The following TAF4B variants were observed in gnomAD, a reference collection of about 807,000 sequenced individuals.
TAF4B encodes the protein transcription initiation factor TFIID subunit 4B.
In TAF4B, 38 loss-of-function variants were observed where a neutral mutation model predicts 86.4. The observed-to-expected ratio is 0.44, with a 90% CI of 0.34 to 0.58. TAF4B has a LOEUF of 0.58. TAF4B is among the 20% of genes least tolerant of loss of function. TAF4B has a pLI of 0.02. For synonymous variants in TAF4B, 388 were observed against 391.2 expected (o/e 0.99, Z 0.10); for missense variants, 988 against 1,027.6 (o/e 0.96, Z 0.53).
chr18:26,287,888 G>C (rs918709366), intron 7 of TAF4B, among the ~76,000 whole-genome samples: 2 of 152,132 alleles, frequency 1.3e-5, no homozygotes, highest in African/African-American at 4.8e-5. Flanking sequence ...GATAAATGAT[G>C]GTCATTTCCT....
At position 26,275,003 on chromosome 18, in the gene TAF4B, C is replaced by G; in HGVS notation, c.832C>G (p.Gln278Glu). 1 of 1,612,304 alleles carries G rather than the reference C, an allele frequency of 6.2e-7. No homozygotes were observed. The highest frequency in any genetic ancestry group is 1.3e-5 in the African/African-American group (1 of 75,008). Residue 278 changes from glutamine to glutamate, a missense_variant, in exon 5 of 15, where the codon CAG becomes GAG. Around this residue, in one of 3 missense-constraint regions of TAF4B, gnomAD observed 747 missense variants for 737.9 expected, o/e 1.01. Transcript: ENST00000269142. ...AATAAAACTAGCATGTAGTGGATCA[C>G]AGTCCCCAGAAATGGGGCAAAATGT... is the stretch of plus-strand genomic sequence containing the variant. ...MLIKLACSGS[Q>E]SPEMGQNVKK...
intron 9 of TAF4B, among the ~76,000 whole-genome samples, chr18:26,297,242 TCCGAAGAACAAAGAGAAGG>T (rs1261095416): frequency 6.6e-6 from 1 of 151,782 alleles, no homozygotes; most frequent in Non-Finnish European, 1.5e-5. Flanking sequence ...CTCTGGTATG[TCCGAAGAACAAAGAGAAGG>T]CTGGAGATTA....
chr18:26,277,356 G>A (rs1250450704), intron 5 of TAF4B, among the ~76,000 whole-genome samples: 1 of 152,122 alleles, frequency 6.6e-6, no homozygotes, highest in Admixed American at 6.5e-5. Context: ...GAAGTGCTAG[G>A]ATTACGGGCA....
chr18:26,228,150 T>C (rs2055608157), intron 1 of TAF4B, among the ~76,000 whole-genome samples: 2 of 152,244 alleles, frequency 1.3e-5, no homozygotes, highest in African/African-American at 4.8e-5. Context: ...TTTGTGATAA[T>C]TTACATATTG....
rs937876668 is a variant in TAF4B, at chr18:26,361,802, C to G, written c.2421+4008C>G. Among the ~76,000 whole-genome samples the G allele has an allele frequency of 2.7e-5, 4 of 148,728 alleles. No homozygotes were observed. In the East Asian group the frequency reaches 7.9e-4, roughly 29 times the overall value. On this transcript the variant is annotated intron_variant, in intron 14 of 14. Transcript: ENST00000269142. ...TTAGTTCAGCATAGAATTTATCTTT[C>G]TGCTAGAAACAACTCTACTGAGTTG...
At chr18:26,353,718 T>C (rs1398028971) in intron 13 of TAF4B, among the ~76,000 whole-genome samples, 5 of 152,268 alleles carry the variant, frequency 3.3e-5, no homozygotes, top group African/African-American at 9.6e-5. Flanking sequence ...ACCAGTATTA[T>C]TCAGCATTAT....
intron 11 of TAF4B, among the ~76,000 whole-genome samples, chr18:26,322,537 TTAATAA>T (rs747455554): frequency 6.4e-4 from 97 of 152,288 alleles, no homozygotes; most frequent in Admixed American, 1.6e-3. Context: ...CATAGGACTG[TTAATAA>T]TACTGTCTTG....
intron 1 of TAF4B, among the ~76,000 whole-genome samples, chr18:26,234,718 T>C (rs2055722897): frequency 6.6e-6 from 1 of 152,194 alleles, no homozygotes; most frequent in Non-Finnish European, 1.5e-5. Context: ...TCACAATTTG[T>C]TGGCAGTCAT....
intron 14 of TAF4B, among the ~76,000 whole-genome samples, chr18:26,363,676 CAAAT>C (rs1449759037): frequency 6.6e-6 from 1 of 152,186 alleles, no homozygotes; most frequent in Non-Finnish European, 1.5e-5. Context: ...TATTTCTTCA[CAAAT>C]AACACAAAAA....
intron 13 of TAF4B, among the ~76,000 whole-genome samples, chr18:26,338,917 C>T (rs1315326634): frequency 6.6e-6 from 1 of 152,168 alleles, no homozygotes; most frequent in South Asian, 2.1e-4. Context: ...TTCTTCCTAT[C>T]GACTTCTACC....
intron 13 of TAF4B, among the ~76,000 whole-genome samples, chr18:26,337,789 G>T (rs1030085642): frequency 1.3e-5 from 2 of 152,172 alleles, no homozygotes; most frequent in African/African-American, 4.8e-5. Context: ...CATTTAGGAT[G>T]CACTAATCAC....
chr18:26,375,678 T>G (rs879302511), intron 14 of TAF4B, among the ~76,000 whole-genome samples: 3 of 152,326 alleles, frequency 2.0e-5, no homozygotes, highest in Non-Finnish European at 4.4e-5. Context: ...CATCTTTTCA[T>G]GTGCTTGTAG....
chr18:26,342,378 T>C (rs1791741), intron 13 of TAF4B, among the ~76,000 whole-genome samples: 1 of 152,016 alleles, frequency 6.6e-6, no homozygotes. Flanking sequence ...AATGTGCCCC[T>C]GTTCCTGTCC....
At chr18:26,242,896 A>G (rs2055862222) in intron 1 of TAF4B, among the ~76,000 whole-genome samples, 2 of 152,230 alleles carry the variant, frequency 1.3e-5, no homozygotes, top group Non-Finnish European at 2.9e-5. Context: ...TTCTTTAAGA[A>G]TGTTGAATAT....
chr18:26,381,323 T>C (rs1030451412), intron 14 of TAF4B, among the ~76,000 whole-genome samples: 4 of 152,042 alleles, frequency 2.6e-5, no homozygotes, highest in Non-Finnish European at 5.9e-5. Flanking sequence ...CCCTTTTATT[T>C]TTTTTAATGG....
intron 13 of TAF4B, among the ~76,000 whole-genome samples, chr18:26,341,907 C>G (rs2057139932): frequency 6.6e-6 from 1 of 151,194 alleles, no homozygotes; most frequent in African/African-American, 2.4e-5. Context: ...TTTTTTTTTC[C>G]TGTTTGTTTG....
intron 13 of TAF4B, among the ~76,000 whole-genome samples, chr18:26,335,822 T>C: frequency 6.6e-6 from 1 of 152,140 alleles, no homozygotes; most frequent in East Asian, 1.9e-4. Context: ...ACAAATAAGT[T>C]CATTTATGTC....
intron 14 of TAF4B, among the ~76,000 whole-genome samples, chr18:26,368,889 G>A (rs541014504): frequency 6.6e-6 from 1 of 152,204 alleles, no homozygotes; most frequent in South Asian, 2.1e-4. Flanking sequence ...ATGTTAAGTT[G>A]CATATTATTG....
intron 3 of TAF4B, 49 bp from the exon 4 acceptor site, chr18:26,274,614 A>C: frequency 6.3e-7 from 1 of 1,592,524 alleles, no homozygotes; most frequent in Non-Finnish European, 8.6e-7. Flanking sequence ...GGCACCCACT[A>C]ATGTATCATA....
Sources: gnomAD v4.1 joint callset for allele counts (sites outside exome capture counted in the v4.1 genomes callset) on GRCh38, gnomAD v4.1.1 for gene constraint, gnomAD v4.1.1 regional missense constraint, MANE v1.5 for transcripts, NCBI Gene and HGNC (gene_info 2026-07-23, HGNC 2026-07-21) for gene names.